The following DENND1A variants were observed in gnomAD, a reference collection of about 807,000 sequenced individuals.
The protein encoded by DENND1A is DENN domain-containing protein 1A.
In DENND1A, 51 loss-of-function variants were observed where a neutral mutation model predicts 113.7. The ratio of observed to expected loss-of-function variants is 0.45; its 90% confidence interval spans 0.36 to 0.57. The LOEUF is 0.57. Ranked by LOEUF, DENND1A falls within the 20% of genes least tolerant of loss-of-function variation. DENND1A has a pLI of 0.00. For missense variants in DENND1A, 1,258 were observed against 1,395.9 expected (o/e 0.90, Z 1.57); for synonymous variants, 565 against 570.8 (o/e 0.99, Z 0.14).
chr9:123,612,355 T>C (rs1016978983), intron 10 of DENND1A, among the ~76,000 whole-genome samples: 1 of 152,262 alleles, frequency 6.6e-6, no homozygotes, highest in Admixed American at 6.5e-5. Flanking sequence ...TTGTAGCTAC[T>C]GACTCAGTTT....
intron 13 of DENND1A, among the ~76,000 whole-genome samples, chr9:123,469,342 T>A (rs145743533): frequency 2.0e-5 from 3 of 152,242 alleles, no homozygotes; most frequent in African/African-American, 7.2e-5. Flanking sequence ...GCTACTCTGA[T>A]GATTTGCAGG....
intron 13 of DENND1A, among the ~76,000 whole-genome samples, chr9:123,550,444 A>G (rs1313232575): frequency 2.0e-5 from 3 of 152,226 alleles, no homozygotes; most frequent in African/African-American, 7.2e-5. Flanking sequence ...GGCACAGAAG[A>G]GGACGCGTCT....
chr9:123,895,685 AAC>A (rs1850641876), intron 1 of DENND1A, among the ~76,000 whole-genome samples: 1 of 152,096 alleles, frequency 6.6e-6, no homozygotes, highest in African/African-American at 2.4e-5. Context: ...TGAAGATAGA[AAC>A]CTAACAGGGT....
intron 2 of DENND1A, among the ~76,000 whole-genome samples, chr9:123,800,442 A>G (rs1834450615): frequency 6.6e-6 from 1 of 152,236 alleles, no homozygotes; most frequent in Non-Finnish European, 1.5e-5. Context: ...AATAAATAAG[A>G]AGAGTGAGGC....
intron 13 of DENND1A, among the ~76,000 whole-genome samples, chr9:123,471,313 C>A (rs2133371410): frequency 6.6e-6 from 1 of 152,306 alleles, no homozygotes; most frequent in South Asian, 2.1e-4. Flanking sequence ...GGGGGAGCTA[C>A]TTCCTACTTC....
At chr9:123,711,503 ATG>A (rs1491042930) in intron 5 of DENND1A, among the ~76,000 whole-genome samples, 7 of 72,304 alleles carry the variant, frequency 9.7e-5, no homozygotes, top group African/African-American at 5.4e-4. Context: ...ATATATATAT[ATG>A]TATATATGTA....
chr9:123,878,984 C>T lies in DENND1A; in HGVS notation c.55G>A (p.Val19Met). ...PETTFEVYVEVAYPRTGGTLS... is the reference protein window; with the variant it reads ...PETTFEVYVEMAYPRTGGTLS... ...GTGCCACCTGTCCTGGGATAGGCCA[C>T]TTCAACATATACTTCAAATGTGGTC... The change falls in exon 2 of 24, where the codon GTG (valine) becomes ATG (methionine). Residue 19 changes from valine to methionine, a missense_variant. By Grantham distance (21) the Val-to-Met change is conservative. Around this residue, in one of 2 missense-constraint regions of DENND1A, gnomAD observed 99 missense variants for 164.2 expected, o/e 0.60. Transcript: ENST00000394215. The T allele has an allele frequency of 5.0e-6, 8 of 1,614,018 alleles. No individual in the cohort carries two copies. Among genetic ancestry groups the T allele is most frequent in the Non-Finnish European group, 6.8e-6 (8 of 1,179,946 alleles).
intron 2 of DENND1A, among the ~76,000 whole-genome samples, chr9:123,799,423 G>A (rs1195429949): frequency 6.6e-6 from 1 of 152,200 alleles, no homozygotes; most frequent in Non-Finnish European, 1.5e-5. Context: ...GGAGTTTACA[G>A]TCTAGCCCTA....
intron 8 of DENND1A, among the ~76,000 whole-genome samples, chr9:123,660,642 A>T (rs1312160510): frequency 6.6e-6 from 1 of 152,250 alleles, no homozygotes; most frequent in Admixed American, 6.5e-5. Flanking sequence ...GTAAATGTCT[A>T]TTAGTAGGAA....
At chr9:123,913,882 G>C (rs1854551859) in intron 1 of DENND1A, among the ~76,000 whole-genome samples, 1 of 148,028 alleles carries the variant, frequency 6.8e-6, no homozygotes, top group Admixed American at 6.8e-5. Flanking sequence ...TCCAGCCTGG[G>C]CTCGAAACTC....
At chr9:123,820,322 G>T (rs964004492) in intron 2 of DENND1A, among the ~76,000 whole-genome samples, 1 of 152,188 alleles carries the variant, frequency 6.6e-6, no homozygotes, top group Non-Finnish European at 1.5e-5. Context: ...GAATTATGCC[G>T]AGTCATTATT....
chr9:123,534,367 G>A (rs962213406), intron 13 of DENND1A, among the ~76,000 whole-genome samples: 7 of 152,254 alleles, frequency 4.6e-5, no homozygotes, highest in South Asian at 2.1e-4. Flanking sequence ...ATACATTCAT[G>A]TTGTTGTTTA....
chr9:123,411,632 C>G, intron 20 of DENND1A, 144 bp downstream of exon 20: 1 of 360,576 alleles, frequency 2.8e-6, no homozygotes, highest in Non-Finnish European at 3.9e-6. Flanking sequence ...CAAGTTCATG[C>G]CACACAGAGA....
intron 9 of DENND1A, among the ~76,000 whole-genome samples, chr9:123,635,696 T>C (rs540909693): frequency 1.3e-5 from 2 of 152,394 alleles, no homozygotes; most frequent in East Asian, 1.9e-4. Flanking sequence ...TAAGGTGTTG[T>C]AGTGTCTTTA....
At chr9:123,867,821 A>G (rs958812706) in intron 2 of DENND1A, among the ~76,000 whole-genome samples, 1 of 152,180 alleles carries the variant, frequency 6.6e-6, no homozygotes, top group South Asian at 2.1e-4. Context: ...AACAGGGCCT[A>G]CTAGAGTCAG....
At chr9:123,390,189 G>A (rs945890436) in intron 21 of DENND1A, among the ~76,000 whole-genome samples, 13 of 152,212 alleles carry the variant, frequency 8.5e-5, no homozygotes, top group African/African-American at 3.1e-4. Flanking sequence ...TCAAGGGCAG[G>A]GCCTGCCTTG....
intron 5 of DENND1A, among the ~76,000 whole-genome samples, chr9:123,731,258 A>T (rs976166281): frequency 8.6e-5 from 13 of 152,012 alleles, no homozygotes; most frequent in Admixed American, 3.3e-4. Context: ...AGTATAATTT[A>T]AAAAAAAATT....
At chr9:123,530,985 G>A (rs1223251360) in intron 13 of DENND1A, among the ~76,000 whole-genome samples, 1 of 152,044 alleles carries the variant, frequency 6.6e-6, no homozygotes, top group Non-Finnish European at 1.5e-5. Context: ...CTGAAGTCAT[G>A]GAAAGTGAAA....
At chr9:123,807,528 C>A (rs763791548) in intron 2 of DENND1A, among the ~76,000 whole-genome samples, 61 of 152,224 alleles carry the variant, frequency 4.0e-4, no homozygotes, top group Non-Finnish European at 8.1e-4. Flanking sequence ...GTAAAATAAG[C>A]CACTCCAATG....
Sources: gnomAD v4.1 joint callset for allele counts (sites outside exome capture counted in the v4.1 genomes callset) on GRCh38, gnomAD v4.1.1 for gene constraint, gnomAD v4.1.1 regional missense constraint, MANE v1.5 for transcripts, NCBI Gene and HGNC (gene_info 2026-07-23, HGNC 2026-07-21) for gene names.